TIAM2: variants seen among roughly 807,000 people sequenced by gnomAD.
The protein encoded by TIAM2 is rho guanine nucleotide exchange factor TIAM2.
TIAM2 carries 80 observed loss-of-function variants against 152.9 expected under a neutral mutation model. The observed-to-expected ratio is 0.52, with a 90% CI of 0.44 to 0.63. The LOEUF (loss-of-function observed/expected upper bound fraction) is 0.63, where lower values mean the gene tolerates loss of function less well. Ranked by LOEUF, TIAM2 falls within the 30% of genes least tolerant of loss-of-function variation. The pLI, the probability that TIAM2 is intolerant of heterozygous loss-of-function variation, is 0.00. For missense variants in TIAM2, 1,965 were observed against 2,120.1 expected, an observed-to-expected ratio of 0.93 and a Z score of 1.44; for synonymous variants, 804 against 838.0, an observed-to-expected ratio of 0.96 and a Z score of 0.70.
chr6:155,047,484 C>G (rs991356991), intron 1 of TIAM2, among the ~76,000 whole-genome samples: 1 of 152,174 alleles, frequency 6.6e-6, no homozygotes, highest in Admixed American at 6.5e-5. Flanking sequence ...TTGGCCATCA[C>G]CTGAAGTTCT....
chr6:155,077,926 CTT>C (rs1777992439), intron 1 of TIAM2, among the ~76,000 whole-genome samples: 1 of 152,200 alleles, frequency 6.6e-6, no homozygotes, highest in Non-Finnish European at 1.5e-5. Flanking sequence ...TGAAAACACA[CTT>C]TTGGATTTAA....
chr6:155,046,897 T>C (rs1777188183), intron 1 of TIAM2, among the ~76,000 whole-genome samples: 1 of 152,148 alleles, frequency 6.6e-6, no homozygotes, highest in Non-Finnish European at 1.5e-5. Flanking sequence ...AAGCTCAGTG[T>C]GAGATGAGAG....
chr6:155,034,857 C>T (rs1276554612), intron 1 of TIAM2, among the ~76,000 whole-genome samples: 2 of 152,092 alleles, frequency 1.3e-5, no homozygotes, highest in East Asian at 3.8e-4. Flanking sequence ...ATGCTAGCCG[C>T]AGATGTTTTC....
chr6:155,031,441 G>A (rs1015709457), intron 1 of TIAM2, among the ~76,000 whole-genome samples: 14 of 152,132 alleles, frequency 9.2e-5, no homozygotes, highest in Non-Finnish European at 1.0e-4. Context: ...GAAGAGATGA[G>A]GCTGGGAGTG....
chr6:155,144,759 G>C lies in TIAM2; in HGVS notation c.1784G>C (p.Gly595Ala). Residue 595 changes from glycine (G) to alanine (A), a missense_variant, in exon 6 of 27, where the codon GGA becomes GCA. Coordinates refer to ENST00000682666, the MANE Select transcript of TIAM2 (RefSeq NM_012454.4). ...ENVFCLSNSFGDVYLFQATSQ... is the reference protein window; with the variant it reads ...ENVFCLSNSFADVYLFQATSQ... ...GTGTTCTGCCTCAGCAACTCCTTTG[G>C]AGATGTCTACCTTTTCCAGGTACTG... is the stretch of plus-strand genomic sequence containing the variant. 4 of 1,610,326 alleles carry C rather than the reference G, an allele frequency of 2.5e-6. No individual in the cohort carries two copies. Among genetic ancestry groups the C allele is most frequent in the Non-Finnish European group, 3.4e-6 (4 of 1,178,638 alleles).
intron 1 of TIAM2, among the ~76,000 whole-genome samples, chr6:155,060,848 T>C (rs997253789): frequency 6.6e-5 from 10 of 152,192 alleles, no homozygotes; most frequent in Admixed American, 2.0e-4. Context: ...TGAGCCGAGA[T>C]CGTGCCATTG....
chr6:155,115,564 G>A (rs1273865650), intron 2 of TIAM2, among the ~76,000 whole-genome samples: 21 of 152,108 alleles, frequency 1.4e-4, no homozygotes, highest in Non-Finnish European at 1.5e-4. Flanking sequence ...GAGACAGGAG[G>A]CTCACTTGAG....
At chr6:155,246,127 C>T (rs1016158766) in intron 19 of TIAM2, among the ~76,000 whole-genome samples, 5 of 151,690 alleles carry the variant, frequency 3.3e-5, no homozygotes, top group African/African-American at 9.7e-5. Context: ...CAGCCTACCA[C>T]GAAACTCACA....
chr6:155,072,897 G>A (rs372568329), intron 1 of TIAM2, among the ~76,000 whole-genome samples: 1 of 152,176 alleles, frequency 6.6e-6, no homozygotes, highest in Non-Finnish European at 1.5e-5. Flanking sequence ...GGAGCCTCAA[G>A]AAGTTGCATC....
chr6:155,001,624 G>C (rs569342162), intron 1 of TIAM2, among the ~76,000 whole-genome samples: 1 of 152,216 alleles, frequency 6.6e-6, no homozygotes, highest in Non-Finnish European at 1.5e-5. Flanking sequence ...GCATTCCATC[G>C]AGCTGGAAAT....
At chr6:155,022,897 G>A (rs1312055780) in intron 1 of TIAM2, among the ~76,000 whole-genome samples, 1 of 152,224 alleles carries the variant, frequency 6.6e-6, no homozygotes, top group Non-Finnish European at 1.5e-5. Flanking sequence ...TTGTGTCATA[G>A]CGCTGGGCTT....
chr6:155,003,150 T>C (rs548627906), intron 1 of TIAM2, among the ~76,000 whole-genome samples: 39 of 152,304 alleles, frequency 2.6e-4, no homozygotes, highest in African/African-American at 9.1e-4. Context: ...TGCCAAATAT[T>C]TGACTCTCTA....
chr6:155,013,096 C>A (rs1259784261), intron 1 of TIAM2, among the ~76,000 whole-genome samples: 1 of 152,058 alleles, frequency 6.6e-6, no homozygotes, highest in African/African-American at 2.4e-5. Flanking sequence ...TGTCCCCTAC[C>A]TGTGGCACAT....
chr6:155,233,072 A>T (rs1429456752), intron 15 of TIAM2, among the ~76,000 whole-genome samples: 1 of 152,198 alleles, frequency 6.6e-6, no homozygotes, highest in Non-Finnish European at 1.5e-5. Flanking sequence ...CTGAGCCAGG[A>T]AAGGCGGGCA....
intron 1 of TIAM2, among the ~76,000 whole-genome samples, chr6:155,000,098 A>C (rs1378652373): frequency 2.0e-5 from 3 of 152,240 alleles, no homozygotes; most frequent in Non-Finnish European, 4.4e-5. Context: ...GGCAGTGACT[A>C]CTTGGCCTGT....
At chr6:155,159,664 C>G (rs1554235867) in intron 7 of TIAM2, among the ~76,000 whole-genome samples, 1 of 152,120 alleles carries the variant, frequency 6.6e-6, no homozygotes. Flanking sequence ...CTTCTTCCCT[C>G]TAAGGAACCC....
chr6:155,101,707 C>CATTT (rs1019898712), intron 2 of TIAM2, among the ~76,000 whole-genome samples: 18 of 151,980 alleles, frequency 1.2e-4, no homozygotes, highest in East Asian at 5.8e-4. Context: ...TACTTTAGAA[C>CATTT]ATTTATTTAT....
chr6:155,040,033 C>A (rs1039550083), intron 1 of TIAM2, among the ~76,000 whole-genome samples: 1 of 152,134 alleles, frequency 6.6e-6, no homozygotes, highest in Non-Finnish European at 1.5e-5. Context: ...TGACCCTTGA[C>A]CAAAACCAAT....
At chr6:155,057,772 C>G (rs533971436) in intron 1 of TIAM2, among the ~76,000 whole-genome samples, 1 of 151,870 alleles carries the variant, frequency 6.6e-6, no homozygotes, top group Non-Finnish European at 1.5e-5. Context: ...TCTGGAACCC[C>G]TGGCCTCAGG....
Sources: gnomAD v4.1 joint callset for allele counts (sites outside exome capture counted in the v4.1 genomes callset) on GRCh38, gnomAD v4.1.1 for gene constraint, MANE v1.5 for transcripts, NCBI Gene and HGNC (gene_info 2026-07-23, HGNC 2026-07-21) for gene names.